Variants in C3orf62 observed in about 807,000 individuals in gnomAD.
The protein encoded by C3orf62 is uncharacterized protein C3orf62.
A neutral mutation model predicts 21.7 loss-of-function variants in C3orf62; 16 were observed. That is an observed-to-expected ratio of 0.74 (90% confidence interval 0.50 to 1.12). C3orf62 has a LOEUF of 1.12. C3orf62 is among the 50% of genes most tolerant of loss of function. The pLI, the probability that C3orf62 is intolerant of heterozygous loss-of-function variation, is 0.00. For missense variants in C3orf62, 310 were observed against 318.8 expected, an observed-to-expected ratio of 0.97 and a Z score of 0.21; for synonymous variants, 114 against 117.0, an observed-to-expected ratio of 0.97 and a Z score of 0.17.
Position 49,276,641 on chromosome 3 carries a change from G to A in C3orf62, c.232C>T (p.Pro78Ser). 6.2e-7 allele frequency: 1 copy of A among 1,614,208 alleles called. No individual in the cohort carries two copies. Among genetic ancestry groups the A allele is most frequent in the Non-Finnish European group, 8.5e-7 (1 of 1,180,050 alleles). Reference sequence around the variant, plus strand: ...GGAGCACATGGGACAGCAGCAAAAGGAGCAGCAGAAGAGCAGGCTGCCAGA... The same window carrying A: ...GGAGCACATGGGACAGCAGCAAAAGAAGCAGCAGAAGAGCAGGCTGCCAGA... ...HPLAACSSAAPFAAVPCAPEN... is the reference protein window; with the variant it reads ...HPLAACSSAASFAAVPCAPEN... Residue 78 changes from proline to serine, a missense_variant, in exon 1 of 3, where the codon CCT (proline) becomes TCT (serine). Pro to Ser is a moderately conservative substitution (Grantham distance 74). Transcript: ENST00000343010.
rs760829741 is a variant in C3orf62 at position 49,274,158 on chromosome 3, G to T, written c.447-18C>A. On this transcript the variant is annotated intron_variant, in intron 1 of 2. Coordinates refer to ENST00000343010, the MANE Select transcript of C3orf62 (RefSeq NM_198562.3). ...TATCTTTCCTGCAGCCCCCAGGTGG[G>T]GGGGAAGAAAAGGTGGGGAATTAGA... The T allele has an allele frequency of 1.7e-5, 27 of 1,590,070 alleles. No homozygotes were observed. Among genetic ancestry groups the T allele is most frequent in the Non-Finnish European group, 2.2e-5 (26 of 1,158,640 alleles).
At chr3:49,275,216 C>A (rs899789471) in intron 1 of C3orf62, among the ~76,000 whole-genome samples, 5 of 151,694 alleles carry the variant, frequency 3.3e-5, no homozygotes, top group Non-Finnish European at 7.4e-5. Flanking sequence ...AGGATTCAAG[C>A]AATTCTCCTG....
intron 1 of C3orf62, among the ~76,000 whole-genome samples, chr3:49,274,803 G>A (rs2046939849): frequency 6.6e-6 from 1 of 150,896 alleles, no homozygotes; most frequent in South Asian, 2.1e-4. Flanking sequence ...TGGGATTACA[G>A]GAGTGAACCA....
intron 2 of C3orf62, 73 bp downstream of exon 2, chr3:49,273,976 A>C (rs1056792939): frequency 4.7e-5 from 49 of 1,050,864 alleles, no homozygotes; most frequent in Non-Finnish European, 6.8e-5. Context: ...TATATCTGAG[A>C]TATTTGCTGA....
Position 49,270,147 on chromosome 3 carries a change from A to G in C3orf62, c.*1033T>C, listed in dbSNP as rs1351651229. ...TTTAAAAACAATCAGGTCCAAAGGT[A>G]TTGAGTTATCTCAATTGACTACTCA... On this transcript the variant is annotated 3_prime_UTR_variant, in exon 3 of 3. Coordinates refer to ENST00000343010, the MANE Select transcript of C3orf62 (RefSeq NM_198562.3). 1 of 152,214 alleles carries G rather than the reference A, an allele frequency of 6.6e-6. No individual in the cohort carries two copies. The highest frequency in any genetic ancestry group is 6.5e-5 in the Admixed American group (1 of 15,280). 9.4% of individuals were successfully genotyped at this position (152,214 alleles called of 1,614,324 possible). A position where few individuals can be genotyped will look rare whatever the true frequency, so the allele number is the denominator to read the frequency against.
intron 2 of C3orf62, among the ~76,000 whole-genome samples, chr3:49,271,937 A>AC (rs1450318378): frequency 1.3e-5 from 2 of 150,710 alleles, no homozygotes; most frequent in Admixed American, 6.6e-5. Context: ...AAAAAAAAAA[A>AC]CAAAAAAACC....
intron 1 of C3orf62, among the ~76,000 whole-genome samples, chr3:49,275,378 C>G (rs2046945274): frequency 6.6e-6 from 1 of 152,014 alleles, no homozygotes; most frequent in South Asian, 2.1e-4. Flanking sequence ...TGCCACCACA[C>G]CCGGCAAGGC....
intron 2 of C3orf62, among the ~76,000 whole-genome samples, chr3:49,273,611 A>T (rs923349454): frequency 2.6e-5 from 4 of 151,934 alleles, no homozygotes; most frequent in African/African-American, 9.7e-5. Flanking sequence ...AAAAAATTTT[A>T]AGAGACAGAT....
intron 1 of C3orf62, among the ~76,000 whole-genome samples, chr3:49,275,260 C>T (rs1359471101): frequency 3.3e-5 from 5 of 151,506 alleles, no homozygotes; most frequent in African/African-American, 1.2e-4. Context: ...ATCATAGGCG[C>T]GCGCCACCAC....
Position 49,276,580 on chromosome 3 carries a change from G to GA in C3orf62, c.292_293insT (p.Ala98ValfsTer33), listed in dbSNP as rs1167183401. On this transcript the variant is annotated frameshift_variant, in exon 1 of 3. Coordinates refer to ENST00000343010, the MANE Select transcript of C3orf62 (RefSeq NM_198562.3). LOFTEE classifies it high-confidence loss of function. Reference sequence around the variant, plus strand: ...AGCATGTGGTTTTGCATTTACCGGGGCATGGTTTGTTGCAAAGGCAGGGTT... The same window carrying GA: ...AGCATGTGGTTTTGCATTTACCGGGGACATGGTTTGTTGCAAAGGCAGGGTT... 1 of 1,614,206 alleles carries GA rather than the reference G, an allele frequency of 6.2e-7. No individual in the cohort carries two copies. The highest frequency in any genetic ancestry group is 8.5e-7 in the Non-Finnish European group (1 of 1,180,036).
chr3:49,273,718 A>T (rs7619044), intron 2 of C3orf62, among the ~76,000 whole-genome samples: 152,117 of 152,130 alleles, frequency 1, 76,052 homozygotes, highest in Middle Eastern at 1. Context: ...TGCAGTGGCA[A>T]GATCTCAGCT....
At position 49,277,087 on chromosome 3, in the gene C3orf62, C is replaced by G. The variant is rs1463819401; in HGVS notation, c.-215G>C. The stretch of plus-strand genomic sequence containing the variant: ...GCCCCACTTCCCACAGCTTCCTGGC[C>G]CGCCCCGCCGCTGCCTCCCGCCCCA... On this transcript the variant is annotated 5_prime_UTR_variant, in exon 1 of 3. Coordinates refer to ENST00000343010, the MANE Select transcript of C3orf62 (RefSeq NM_198562.3). The G allele has an allele frequency of 6.7e-7, 1 of 1,487,978 alleles. No homozygotes were observed. Among genetic ancestry groups the G allele is most frequent in the African/African-American group, 1.4e-5 (1 of 72,014 alleles). 92.2% of individuals were successfully genotyped at this position (1,487,978 alleles called of 1,614,324 possible). A position where few individuals can be genotyped will look rare whatever the true frequency, so the allele number is the denominator to read the frequency against.
chr3:49,275,371 C>T (rs2046945188), intron 1 of C3orf62, among the ~76,000 whole-genome samples: 1 of 151,670 alleles, frequency 6.6e-6, no homozygotes, highest in Non-Finnish European at 1.5e-5. Context: ...ACAGGCGTGC[C>T]ACCACACCCG....
intron 1 of C3orf62, among the ~76,000 whole-genome samples, chr3:49,274,923 G>A (rs1194993878): frequency 6.6e-6 from 1 of 151,710 alleles, no homozygotes; most frequent in Non-Finnish European, 1.5e-5. Context: ...GGGTTCAAGC[G>A]ATTCTCCTGT....
Position 49,270,979 on chromosome 3 carries a change from G to C in C3orf62, c.*201C>G. On this transcript the variant is annotated 3_prime_UTR_variant, in exon 3 of 3. Transcript: ENST00000343010. Reference sequence around the variant, plus strand: ...AAGTTAAAAAAAAAAATCAGTAATAGGAAACATTTCAAAGCAATGGAATTC... The same window carrying C: ...AAGTTAAAAAAAAAAATCAGTAATACGAAACATTTCAAAGCAATGGAATTC... 1.7e-6 allele frequency: 1 copy of C among 574,168 alleles called. No individual in the cohort carries two copies. The highest frequency in any genetic ancestry group is 3.0e-6 in the Non-Finnish European group (1 of 329,266). 35.6% of individuals were successfully genotyped at this position (574,168 alleles called of 1,614,324 possible). A position where few individuals can be genotyped will look rare whatever the true frequency, so the allele number is the denominator to read the frequency against.
chr3:49,271,373 C>T lies in C3orf62; in HGVS notation c.611G>A (p.Cys204Tyr), dbSNP rs754140774. 1.8e-5 allele frequency: 29 copies of T among 1,614,094 alleles called. No individual in the cohort carries two copies. The highest frequency in any genetic ancestry group is 2.5e-5 in the Non-Finnish European group (29 of 1,180,048). ...GAAGGGTGAATCTTGGCAATGACCA[C>T]ACATGTGGTTCAATTCGTTTTCAAA... ...IEFENELNHM[C>Y]GHCQDSPFKE... The change falls in exon 3 of 3, where the codon TGT (cysteine) becomes TAT (tyrosine). Residue 204 changes from cysteine to tyrosine, a missense_variant. Transcript: ENST00000343010.
intron 1 of C3orf62, 87 bp downstream of exon 1, chr3:49,276,340 A>G: frequency 7.4e-7 from 1 of 1,356,068 alleles, no homozygotes; most frequent in South Asian, 1.4e-5. Context: ...GAGCACTGTC[A>G]TGAACTAAAT....
intron 2 of C3orf62, 61 bp from the exon 3 acceptor site, chr3:49,271,506 G>C: frequency 6.4e-7 from 1 of 1,552,012 alleles, no homozygotes; most frequent in Non-Finnish European, 8.7e-7. Flanking sequence ...GACATTTCAG[G>C]TGCAAGTTAA....
At chr3:49,273,856 A>G (rs2046931465) in intron 2 of C3orf62, among the ~76,000 whole-genome samples, 193 bp downstream of exon 2, 2 of 152,082 alleles carry the variant, frequency 1.3e-5, no homozygotes, top group South Asian at 2.1e-4. Context: ...GGGTTTCACC[A>G]TATTGGTTAG....
Sources: allele counts gnomAD v4.1 joint callset (sites outside exome capture counted in the v4.1 genomes callset), GRCh38; gene constraint gnomAD v4.1.1; transcripts MANE v1.5; gene names NCBI Gene and HGNC (gene_info 2026-07-23, HGNC 2026-07-21).